The following PEX5L variants were observed in gnomAD, a reference collection of about 807,000 sequenced individuals.
The protein encoded by PEX5L is peroxisomal biogenesis factor 5 like.
In PEX5L, 30 loss-of-function variants were observed where a neutral mutation model predicts 84.0. The ratio of observed to expected loss-of-function variants is 0.36; its 90% CI spans 0.27 to 0.48. The LOEUF is 0.48. Ranked by LOEUF, PEX5L falls within the 20% of genes least tolerant of loss-of-function variation. PEX5L has a pLI of 0.99. For missense variants in PEX5L, 533 were observed against 754.6 expected (o/e 0.71, Z 3.44); for synonymous variants, 270 against 283.1 (o/e 0.95, Z 0.46).
chr3:179,871,063 C>T (rs1303334025), intron 7 of PEX5L, among the ~76,000 whole-genome samples: 1 of 149,464 alleles, frequency 6.7e-6, no homozygotes, highest in African/African-American at 2.5e-5. Flanking sequence ...GAGAAGAAAA[C>T]ATCTCCTTGA....
intron 8 of PEX5L, among the ~76,000 whole-genome samples, chr3:179,850,301 AC>A (rs1199015065): frequency 4.0e-5 from 6 of 151,556 alleles, no homozygotes; most frequent in African/African-American, 1.2e-4. Context: ...TAATTTTTGT[AC>A]TTTTAGTAGA....
chr3:179,830,817 G>GA (rs1238440369), intron 8 of PEX5L, among the ~76,000 whole-genome samples: 2 of 152,068 alleles, frequency 1.3e-5, no homozygotes, highest in Admixed American at 6.6e-5. Flanking sequence ...ACTGGCCAGA[G>GA]AAAAAACCCC....
intron 8 of PEX5L, among the ~76,000 whole-genome samples, chr3:179,847,079 GTGTA>G (rs71182522): frequency 0.11 from 11,378 of 106,314 alleles, 630 homozygotes; most frequent in Non-Finnish European, 0.16. Flanking sequence ...GTGTGTGTGT[GTGTA>G]TATATATATA....
chr3:179,929,696 T>A (rs1400972849), intron 2 of PEX5L, among the ~76,000 whole-genome samples: 1 of 152,178 alleles, frequency 6.6e-6, no homozygotes. Context: ...TCCTGCCTAA[T>A]GCCCCTGCCC....
chr3:179,821,971 T>G (rs1169142527), intron 8 of PEX5L, among the ~76,000 whole-genome samples: 1 of 152,214 alleles, frequency 6.6e-6, no homozygotes, highest in Non-Finnish European at 1.5e-5. Context: ...AAAAATAAGG[T>G]TAAACAACAA....
At chr3:179,909,679 CTG>C (rs1243365403) in intron 2 of PEX5L, among the ~76,000 whole-genome samples, 1 of 152,160 alleles carries the variant, frequency 6.6e-6, no homozygotes, top group Non-Finnish European at 1.5e-5. Context: ...AAGACTGTGA[CTG>C]TGTTTGGAAA....
At chr3:179,969,261 A>G (rs1224734522) in intron 2 of PEX5L, among the ~76,000 whole-genome samples, 1 of 152,106 alleles carries the variant, frequency 6.6e-6, no homozygotes, top group Non-Finnish European at 1.5e-5. Flanking sequence ...TAACTATAAC[A>G]TATTTCTACC....
At chr3:180,029,893 G>T (rs138717379) in intron 1 of PEX5L, among the ~76,000 whole-genome samples, 4 of 152,308 alleles carry the variant, frequency 2.6e-5, no homozygotes, top group Middle Eastern at 3.4e-3. Context: ...CTGAGGATGG[G>T]CATGCACGTT....
At chr3:179,964,767 A>G (rs1236859436) in intron 2 of PEX5L, among the ~76,000 whole-genome samples, 1 of 152,334 alleles carries the variant, frequency 6.6e-6, no homozygotes, top group East Asian at 1.9e-4. Context: ...GGGATCTTAC[A>G]GCTATTTAGT....
At chr3:179,931,236 C>T (rs1189116391) in intron 2 of PEX5L, among the ~76,000 whole-genome samples, 1 of 152,236 alleles carries the variant, frequency 6.6e-6, no homozygotes, top group Non-Finnish European at 1.5e-5. Context: ...ATTGGGACCT[C>T]TGTCAATAAC....
chr3:179,827,345 C>A (rs926054329), intron 8 of PEX5L, among the ~76,000 whole-genome samples: 2 of 152,124 alleles, frequency 1.3e-5, no homozygotes, highest in African/African-American at 4.8e-5. Context: ...CCTCAAAGGC[C>A]CCATGGAGGT....
intron 1 of PEX5L, among the ~76,000 whole-genome samples, chr3:179,986,206 T>A (rs2110349140): frequency 6.6e-6 from 1 of 151,046 alleles, no homozygotes; most frequent in Middle Eastern, 3.5e-3. Flanking sequence ...GCAATAATAA[T>A]AAAATGAGAA....
chr3:179,857,410 TGAAAA>T (rs766570781), intron 8 of PEX5L, among the ~76,000 whole-genome samples: 3 of 152,228 alleles, frequency 2.0e-5, no homozygotes, highest in Non-Finnish European at 4.4e-5. Context: ...TGGATTTTCT[TGAAAA>T]GAAGTGAGTA....
rs1490138282 is a variant in PEX5L at position 179,796,450 on chromosome 3, GA to G, written c.*5377del. On this transcript the variant is annotated 3_prime_UTR_variant, in exon 15 of 15. Transcript: ENST00000467460. ...ATTTCTGCAGAAGCTGCAGGTAGTG[GA>G]AACTTCGTTCAAGGCAAAATACCAC... 6.6e-6 allele frequency: 1 copy of G among 151,968 alleles called. No homozygotes were observed. The highest frequency in any genetic ancestry group is 1.5e-5 in the Non-Finnish European group (1 of 67,992). The allele number at this position is 151,968 out of a possible 1,614,324, so 9.4% of individuals were successfully genotyped here.
At chr3:179,947,710 CTT>C (rs34097310) in intron 2 of PEX5L, among the ~76,000 whole-genome samples, 1 of 139,354 alleles carries the variant, frequency 7.2e-6, no homozygotes, top group Non-Finnish European at 1.5e-5. Flanking sequence ...AAAAAAGTTA[CTT>C]TTTTTTTTTT....
intron 11 of PEX5L, among the ~76,000 whole-genome samples, chr3:179,811,015 T>A (rs1385999827): frequency 1.3e-5 from 2 of 152,130 alleles, no homozygotes; most frequent in Non-Finnish European, 2.9e-5. Flanking sequence ...GAAAAGGCTC[T>A]GAACGCAGGG....
chr3:179,906,299 T>A (rs1331197312), intron 2 of PEX5L, among the ~76,000 whole-genome samples: 2 of 152,232 alleles, frequency 1.3e-5, no homozygotes, highest in Non-Finnish European at 2.9e-5. Context: ...TAGCACTTGA[T>A]CTTCATTCAT....
At chr3:179,895,817 T>C (rs1272160058) in intron 3 of PEX5L, 3 of 152,188 alleles carry the variant, frequency 2.0e-5, no homozygotes, top group Non-Finnish European at 4.4e-5. Flanking sequence ...AGTTATTTTC[T>C]ATTTTATGTA....
intron 2 of PEX5L, among the ~76,000 whole-genome samples, chr3:179,960,902 T>C (rs1015075773): frequency 1.3e-5 from 2 of 152,186 alleles, no homozygotes; most frequent in African/African-American, 4.8e-5. Flanking sequence ...AGGGAAGTGA[T>C]AACTGAACAA....
Sources: gnomAD v4.1 joint callset for allele counts (sites outside exome capture counted in the v4.1 genomes callset) on GRCh38, gnomAD v4.1.1 for gene constraint, MANE v1.5 for transcripts, NCBI Gene and HGNC (gene_info 2026-07-23, HGNC 2026-07-21) for gene names.